DHX35: variants seen among roughly 807,000 people sequenced by gnomAD.
The protein encoded by DHX35 is DEAH-box helicase 35, also known as probable ATP-dependent RNA helicase DHX35.
Under a neutral mutation model 99.6 loss-of-function variants are expected in DHX35, and 84 were observed. The ratio of observed to expected loss-of-function variants is 0.84; its 90% confidence interval spans 0.71 to 1.01. The LOEUF (loss-of-function observed/expected upper bound fraction) is 1.01. Ranked by LOEUF, DHX35 falls within the 50% of genes least tolerant of loss-of-function variation. The probability of loss-of-function intolerance (pLI) is 0.00; values close to 1 mark genes in which losing one functional copy is unlikely to be tolerated. For synonymous variants in DHX35, 331 were observed against 316.2 expected (o/e 1.05, Z -0.50); for missense variants, 852 against 888.5 (o/e 0.96, Z 0.52).
chr20:39,003,767 G>C lies in DHX35; in HGVS notation c.871G>C (p.Val291Leu). Reference protein sequence around the residue: ...LTGQEEVETVVSMLIEQARAL... With the variant: ...LTGQEEVETVLSMLIEQARAL... Reference sequence around the variant, plus strand: ...TCTTTAGGAAGAGGTAGAAACTGTTGTGTCGATGCTCATCGAGCAGGCTCG... The same window carrying C: ...TCTTTAGGAAGAGGTAGAAACTGTTCTGTCGATGCTCATCGAGCAGGCTCG... The change falls in exon 11 of 22, where the codon GTG becomes CTG. Residue 291 changes from valine (V) to leucine (L), a missense_variant. Physicochemically the swap from Val to Leu is conservative, Grantham distance 32. Coordinates refer to ENST00000252011, the MANE Select transcript of DHX35 (RefSeq NM_021931.4). 6.2e-7 allele frequency: 1 copy of C among 1,613,918 alleles called. No individual in the cohort carries two copies. The highest frequency in any genetic ancestry group is 8.5e-7 in the Non-Finnish European group (1 of 1,179,836).
At chr20:39,027,653 G>T (rs2086979584) in intron 18 of DHX35, among the ~76,000 whole-genome samples, 1 of 152,080 alleles carries the variant, frequency 6.6e-6, no homozygotes, top group African/African-American at 2.4e-5. Flanking sequence ...TATTCCATTG[G>T]ATCTAAGATA....
chr20:39,022,923 C>T (rs1411229680), intron 16 of DHX35, among the ~76,000 whole-genome samples: 3 of 152,174 alleles, frequency 2.0e-5, no homozygotes, highest in Non-Finnish European at 4.4e-5. Flanking sequence ...AATTAGCAGC[C>T]TTATGCATGG....
At position 39,026,201 on chromosome 20, in the gene DHX35, T is replaced by C. The variant is rs192908002; in HGVS notation, c.1801+842T>C. On this transcript the variant is annotated intron_variant, in intron 18 of 21. Transcript: ENST00000252011. ...TAGACAGTGCACTGAGTGTTCCATG[T>C]GTTTATTAATTTAATGCTCACAACA... 1.4e-4 allele frequency among the ~76,000 whole-genome samples: 21 copies of C among 152,280 alleles called. No homozygotes were observed. In the East Asian group the frequency reaches 4.1e-3, roughly 29 times the overall value.
intron 4 of DHX35, 74 bp downstream of exon 4, chr20:38,983,850 G>T: frequency 7.5e-7 from 1 of 1,329,556 alleles, no homozygotes; most frequent in Non-Finnish European, 1.1e-6. Context: ...TTTCCTAAAG[G>T]CTTTAAATGA....
rs572399756 is a variant in DHX35 at position 38,986,734 on chromosome 20, A to G, written c.346-2079A>G. The stretch of plus-strand genomic sequence containing the variant: ...TGAAATGCTGGTCATTGGGAAATAC[A>G]ACCACCAGAGGCAGAGCAATGTAGG... On this transcript the variant is annotated intron_variant, in intron 4 of 21. Transcript: ENST00000252011. 1.3e-3 allele frequency among the ~76,000 whole-genome samples: 202 copies of G among 152,344 alleles called. 3 individuals are homozygous for G. In the South Asian group the frequency reaches 0.027, roughly 21 times the overall value.
intron 15 of DHX35, 53 bp downstream of exon 15, chr20:39,018,952 T>G: frequency 6.3e-7 from 1 of 1,575,468 alleles, no homozygotes. Context: ...TCAGAGGTGT[T>G]GTTTGCCTGA....
At chr20:39,021,398 T>A (rs1252118898) in intron 15 of DHX35, among the ~76,000 whole-genome samples, 2 of 152,202 alleles carry the variant, frequency 1.3e-5, no homozygotes, top group African/African-American at 4.8e-5. Flanking sequence ...CAGTAACACC[T>A]CCTTTTTTGG....
intron 21 of DHX35, among the ~76,000 whole-genome samples, chr20:39,034,680 C>T (rs966832962): frequency 2.0e-5 from 3 of 151,918 alleles, no homozygotes; most frequent in Non-Finnish European, 2.9e-5. Flanking sequence ...CTCCGTTTCC[C>T]GGATTCAAGC....
intron 20 of DHX35, among the ~76,000 whole-genome samples, chr20:39,031,738 T>C (rs575402554): frequency 4.7e-4 from 72 of 152,350 alleles, no homozygotes; most frequent in African/African-American, 1.7e-3. Context: ...GCACATCATG[T>C]GCCAGTGAGA....
In DHX35 at chr20:39,021,873, ATC is replaced by A; in HGVS notation, c.1532_1533del (p.Ile511SerfsTer26). 6.2e-7 allele frequency: 1 copy of A among 1,614,200 alleles called. No homozygotes were observed. On this transcript the variant is annotated frameshift_variant, in exon 16 of 22. Transcript: ENST00000252011. LOFTEE classifies it high-confidence loss of function. ...CGGCTGTTCTCAGGAAATTCTAAGC[ATC>A]GCTGCCATGATGCAGATCCAGAATA... is the stretch of plus-strand genomic sequence containing the variant. ...NFGCSQEILS[I>X]AAMMQIQNIF...
At chr20:38,999,227 A>G (rs1479771638) in intron 8 of DHX35, among the ~76,000 whole-genome samples, 1 of 151,786 alleles carries the variant, frequency 6.6e-6, no homozygotes, top group Non-Finnish European at 1.5e-5. Flanking sequence ...TTTTGGTAAC[A>G]TTCACCCTTG....
chr20:39,002,359 G>A (rs1209441680), intron 9 of DHX35, among the ~76,000 whole-genome samples: 1 of 152,154 alleles, frequency 6.6e-6, no homozygotes, highest in Non-Finnish European at 1.5e-5. Flanking sequence ...TTTCTGAATC[G>A]TTTTGTTGGA....
intron 3 of DHX35, chr20:38,978,081 C>T: frequency 1.3e-6 from 1 of 759,076 alleles, no homozygotes; most frequent in South Asian, 1.3e-5. Flanking sequence ...CTACTAAGTG[C>T]TGTCCACTAA....
intron 20 of DHX35, 66 bp downstream of exon 20, chr20:39,030,841 G>C: frequency 1.3e-6 from 2 of 1,550,474 alleles, no homozygotes; most frequent in South Asian, 2.2e-5. Flanking sequence ...TTTTTCTCCT[G>C]TACATGTTTC....
chr20:38,992,240 C>G lies in DHX35; in HGVS notation c.513-116C>G, dbSNP rs574627569. On this transcript the variant is annotated intron_variant, in intron 6 of 21. Coordinates refer to ENST00000252011, the MANE Select transcript of DHX35 (RefSeq NM_021931.4). ...GTCAAAGAAGAGTGACTTAGGTTTACTTTTGATGCAAAGTGATTGTATGAG... is the reference window on the plus strand; with the variant it reads ...GTCAAAGAAGAGTGACTTAGGTTTAGTTTTGATGCAAAGTGATTGTATGAG... 3.7e-6 allele frequency: 3 copies of G among 808,458 alleles called. No homozygotes were observed. The African/African-American group carries it at 5.1e-5, about 14-fold the overall frequency. 50.1% of individuals were successfully genotyped at this position (808,458 alleles called of 1,614,324 possible).
At chr20:38,976,025 CAG>C (rs888783438) in intron 3 of DHX35, among the ~76,000 whole-genome samples, 8 of 152,148 alleles carry the variant, frequency 5.3e-5, no homozygotes, top group Non-Finnish European at 1.2e-4. Context: ...TGCCAGGGAA[CAG>C]AGAGGGCCTG....
intron 8 of DHX35, among the ~76,000 whole-genome samples, chr20:38,997,030 T>C (rs2145885167): frequency 6.6e-6 from 1 of 151,736 alleles, no homozygotes; most frequent in East Asian, 1.9e-4. Context: ...AATGTCCAAG[T>C]CTTTTCTTAG....
At chr20:38,976,057 G>C (rs944358953) in intron 3 of DHX35, among the ~76,000 whole-genome samples, 1 of 152,212 alleles carries the variant, frequency 6.6e-6, no homozygotes, top group Admixed American at 6.5e-5. Context: ...TAAGTCCAGG[G>C]AAAGCTGGTG....
chr20:39,014,660 A>G (rs1001950460), intron 13 of DHX35, among the ~76,000 whole-genome samples: 1 of 152,140 alleles, frequency 6.6e-6, no homozygotes, highest in African/African-American at 2.4e-5. Context: ...TTCAAAGGGA[A>G]ATGTTTCATC....
Sources: allele counts gnomAD v4.1 joint callset (sites outside exome capture counted in the v4.1 genomes callset), GRCh38; gene constraint gnomAD v4.1.1; transcripts MANE v1.5; gene names NCBI Gene and HGNC (gene_info 2026-07-23, HGNC 2026-07-21).